Variants in PTPRD observed in about 807,000 individuals in gnomAD.
The protein encoded by PTPRD is receptor-type tyrosine-protein phosphatase delta.
PTPRD carries 34 observed loss-of-function variants against 214.5 expected under a neutral mutation model. The ratio of observed to expected loss-of-function variants is 0.16; its 90% CI spans 0.12 to 0.21. PTPRD has a LOEUF of 0.21. Ranked by LOEUF, PTPRD falls within the 10% of genes least tolerant of loss-of-function variation. The pLI, the probability that PTPRD is intolerant of heterozygous loss-of-function variation, is 1.00. For missense variants in PTPRD, 2,545 were observed against 2,398.7 expected (o/e 1.06, Z -1.27); for synonymous variants, 1,128 against 845.7 (o/e 1.33, Z -5.79).
intron 7 of PTPRD, among the ~76,000 whole-genome samples, chr9:9,702,329 G>A (rs917897284): frequency 1.6e-4 from 24 of 152,172 alleles, no homozygotes; most frequent in African/African-American, 5.8e-4. Flanking sequence ...AGGAATTAAT[G>A]CAGAGAATGG....
chr9:8,810,805 T>C lies in PTPRD; in HGVS notation c.-103-76859A>G, dbSNP rs370961610. On this transcript the variant is annotated intron_variant, in intron 11 of 45. Transcript: ENST00000381196. ...AGAGAAAAGTGGGACAAAGGAAGAA[T>C]AAAAATCAACCATGGGGTCTTCGTG... 1.4e-3 allele frequency among the ~76,000 whole-genome samples: 220 copies of C among 152,224 alleles called. 1 individual carries two copies. The highest frequency in any genetic ancestry group is 5.1e-3 in the African/African-American group (213 of 41,556).
chr9:8,344,750 A>G (rs978361199), intron 39 of PTPRD, among the ~76,000 whole-genome samples: 48 of 152,034 alleles, frequency 3.2e-4, no homozygotes, highest in Non-Finnish European at 5.9e-5. Flanking sequence ...ACCTCTTCAG[A>G]CATCAATGGC....
intron 8 of PTPRD, among the ~76,000 whole-genome samples, chr9:9,523,238 T>C (rs1387906956): frequency 6.6e-6 from 1 of 152,206 alleles, no homozygotes; most frequent in Non-Finnish European, 1.5e-5. Context: ...AGGCAAAGAT[T>C]ATATTTAATT....
chr9:10,508,803 G>T (rs190281396), intron 2 of PTPRD, among the ~76,000 whole-genome samples: 2 of 151,994 alleles, frequency 1.3e-5, no homozygotes, highest in Non-Finnish European at 2.9e-5. Context: ...GTGGGGTGGG[G>T]GTAGAGGGGA....
intron 43 of PTPRD, among the ~76,000 whole-genome samples, chr9:8,335,125 G>A (rs1424357427): frequency 2.0e-5 from 3 of 146,822 alleles, no homozygotes; most frequent in African/African-American, 4.9e-5. Context: ...ACAAAAAGAG[G>A]GACTCCTTCC....
intron 44 of PTPRD, among the ~76,000 whole-genome samples, chr9:8,323,169 G>C (rs929004006): frequency 6.6e-6 from 1 of 152,120 alleles, no homozygotes; most frequent in African/African-American, 2.4e-5. Flanking sequence ...GGCCACTCTT[G>C]AGACCTACTG....
At position 10,174,607 on chromosome 9, in the gene PTPRD, T is replaced by A. The variant is rs148383443; in HGVS notation, c.-544-140817A>T. On this transcript the variant is annotated intron_variant, in intron 3 of 45. Coordinates refer to ENST00000381196, the MANE Select transcript of PTPRD (RefSeq NM_002839.4). ...AAGATTTTTTTTTCCTAGCTTTCTT[T>A]CCAAAGATTTGGAATTTAAATTTTT... Among the ~76,000 whole-genome samples, 233 of 152,228 alleles carry A rather than the reference T, an allele frequency of 1.5e-3. 2 individuals are homozygous for A. Among genetic ancestry groups the A allele is most frequent in the South Asian group, 5.6e-3 (27 of 4,824 alleles).
chr9:10,188,399 G>C (rs1217502563), intron 3 of PTPRD, among the ~76,000 whole-genome samples: 6 of 152,090 alleles, frequency 3.9e-5, no homozygotes, highest in Admixed American at 3.3e-4. Context: ...TCCTTCATCA[G>C]TTTTTGAATT....
At chr9:8,480,284 C>G (rs528410501) in intron 30 of PTPRD, among the ~76,000 whole-genome samples, 56 of 152,312 alleles carry the variant, frequency 3.7e-4, no homozygotes, top group African/African-American at 1.3e-3. Flanking sequence ...TCCACTCCCA[C>G]TCCCATGGCC....
At chr9:8,385,051 C>T (rs2086503306) in intron 37 of PTPRD, among the ~76,000 whole-genome samples, 1 of 152,198 alleles carries the variant, frequency 6.6e-6, no homozygotes, top group Admixed American at 6.5e-5. Flanking sequence ...ATAGTTCACA[C>T]TTATAAGGGT....
Position 9,806,205 on chromosome 9 carries a change from A to C in PTPRD, c.-367-39354T>G, listed in dbSNP as rs73396880. ...CAATTCACCCCCAGGAATGTCAGGC[A>C]ACCATCAGAAGATGGTCAGGCCGTT... On this transcript the variant is annotated intron_variant, in intron 5 of 45. Coordinates refer to ENST00000381196, the MANE Select transcript of PTPRD (RefSeq NM_002839.4). Among the ~76,000 whole-genome samples, 227 of 152,268 alleles carry C rather than the reference A, an allele frequency of 1.5e-3. 1 individual carries two copies. The highest frequency in any genetic ancestry group is 5.3e-3 in the African/African-American group (221 of 41,560).
chr9:8,566,716 G>C (rs897785154), intron 14 of PTPRD, among the ~76,000 whole-genome samples: 1 of 152,108 alleles, frequency 6.6e-6, no homozygotes. Flanking sequence ...AATAAGAATG[G>C]AGTCAAATTC....
intron 4 of PTPRD, among the ~76,000 whole-genome samples, chr9:9,943,774 T>G (rs144918667): frequency 1.3e-3 from 194 of 152,278 alleles, no homozygotes; most frequent in African/African-American, 4.2e-3. Flanking sequence ...ACCCATAGCA[T>G]GCTTGGTAAG....
At chr9:10,528,074 TA>T (rs1170596185) in intron 2 of PTPRD, among the ~76,000 whole-genome samples, 1 of 152,102 alleles carries the variant, frequency 6.6e-6, no homozygotes, top group African/African-American at 2.4e-5. Context: ...TCATACCCTA[TA>T]ACACACACAC....
chr9:9,959,246 C>G (rs765395681), intron 4 of PTPRD, among the ~76,000 whole-genome samples: 1 of 152,074 alleles, frequency 6.6e-6, no homozygotes, highest in East Asian at 1.9e-4. Flanking sequence ...GTATTGAGAG[C>G]TGACATATTT....
At chr9:9,835,615 C>T (rs1206809900) in intron 5 of PTPRD, among the ~76,000 whole-genome samples, 1 of 152,078 alleles carries the variant, frequency 6.6e-6, no homozygotes, top group African/African-American at 2.4e-5. Context: ...TAGCTCTTGG[C>T]CTGCACTGGA....
chr9:9,505,370 A>C (rs1211303829), intron 8 of PTPRD, among the ~76,000 whole-genome samples: 1 of 151,474 alleles, frequency 6.6e-6, no homozygotes, highest in Non-Finnish European at 1.5e-5. Flanking sequence ...TCAGAATTTT[A>C]CTTTCCTCTT....
At chr9:9,505,610 A>G (rs1590113621) in intron 8 of PTPRD, among the ~76,000 whole-genome samples, 1 of 151,622 alleles carries the variant, frequency 6.6e-6, no homozygotes, top group East Asian at 1.9e-4. Flanking sequence ...TGTCAAGTCA[A>G]TGGCCATACT....
At chr9:9,712,492 T>A (rs140995661) in intron 7 of PTPRD, among the ~76,000 whole-genome samples, 1 of 152,178 alleles carries the variant, frequency 6.6e-6, no homozygotes, top group Non-Finnish European at 1.5e-5. Context: ...CAAAAACACA[T>A]TGAACCCGCA....
Sources: allele counts gnomAD v4.1 joint callset (sites outside exome capture counted in the v4.1 genomes callset), GRCh38; gene constraint gnomAD v4.1.1; transcripts MANE v1.5; gene names NCBI Gene and HGNC (gene_info 2026-07-23, HGNC 2026-07-21).